The following ARFGEF3 variants were observed in gnomAD, a reference collection of about 807,000 sequenced individuals.
The protein encoded by ARFGEF3 is ARFGEF family member 3.
ARFGEF3 carries 96 observed loss-of-function variants against 221.7 expected under a neutral mutation model. The ratio of observed to expected loss-of-function variants is 0.43; its 90% CI spans 0.37 to 0.51. ARFGEF3 has a LOEUF of 0.51. ARFGEF3 is among the 20% of genes least tolerant of loss of function. The probability of loss-of-function intolerance (pLI) is 0.00; values close to 1 mark genes in which losing one functional copy is unlikely to be tolerated. For missense variants in ARFGEF3, 2,410 were observed against 2,789.9 expected (o/e 0.86, Z 3.07); for synonymous variants, 1,145 against 1,126.8 (o/e 1.02, Z -0.32).
intron 4 of ARFGEF3, among the ~76,000 whole-genome samples, chr6:138,222,933 T>C (rs1778007472): frequency 6.6e-6 from 1 of 152,126 alleles, no homozygotes; most frequent in Admixed American, 6.5e-5. Flanking sequence ...TAATTTAAAT[T>C]GAAGTAAGAA....
chr6:138,273,609 G>A (rs1248667379), intron 12 of ARFGEF3, among the ~76,000 whole-genome samples: 6 of 152,154 alleles, frequency 3.9e-5, no homozygotes, highest in South Asian at 2.1e-4. Flanking sequence ...CATGACATTC[G>A]AAGCAAGTAG....
chr6:138,162,248 C>A lies in ARFGEF3; in HGVS notation c.85+77C>A. On this transcript the variant is annotated intron_variant, in intron 1 of 33. Transcript: ENST00000251691. This position sits in a 1 kb window ranked among gnomAD's most constrained non-coding sequence, Gnocchi z 4.7. ...TGAACCCGCGCCTCCGCGCGTGGGG[C>A]TTTCGCGGAGCGTCGGTCATGGGTG... 9.3e-7 allele frequency: 1 copy of A among 1,075,610 alleles called. No homozygotes were observed. Among genetic ancestry groups the A allele is most frequent in the Non-Finnish European group, 1.3e-6 (1 of 750,852 alleles). 66.6% of individuals were successfully genotyped at this position (1,075,610 alleles called of 1,614,324 possible). A position where few individuals can be genotyped will look rare whatever the true frequency, so the allele number is the denominator to read the frequency against.
rs138274554 is a variant in ARFGEF3 at position 138,336,978 on chromosome 6, G to A, written c.*492G>A. ...GATTTATGGTTATGGGTCTGGCTGG[G>A]AAGAAGACAACTATAAATACATATT... On this transcript the variant is annotated 3_prime_UTR_variant, in exon 34 of 34. Transcript: ENST00000251691. The A allele has an allele frequency of 1.4e-3, 208 of 152,686 alleles. No individual in the cohort carries two copies. The highest frequency in any genetic ancestry group is 2.1e-3 in the Non-Finnish European group (142 of 68,038). The allele number at this position is 152,686 out of a possible 1,614,324, so 9.5% of individuals were successfully genotyped here. A position where few individuals can be genotyped will look rare whatever the true frequency, so the allele number is the denominator to read the frequency against.
chr6:138,281,409 T>G (rs1226601278), intron 14 of ARFGEF3, among the ~76,000 whole-genome samples: 1 of 152,186 alleles, frequency 6.6e-6, no homozygotes, highest in South Asian at 2.1e-4. Flanking sequence ...GGTCAACTGA[T>G]CCCATCACCC....
intron 29 of ARFGEF3, among the ~76,000 whole-genome samples, chr6:138,321,951 C>CA (rs1554209466): frequency 2.0e-5 from 3 of 152,144 alleles, no homozygotes; most frequent in Admixed American, 6.5e-5. Flanking sequence ...CAAGGAGGAG[C>CA]AAGTCACATC....
chr6:138,210,278 T>C (rs1474063156), intron 4 of ARFGEF3, among the ~76,000 whole-genome samples: 4 of 152,210 alleles, frequency 2.6e-5, no homozygotes, highest in Non-Finnish European at 5.9e-5. Context: ...TAAAGGCCAT[T>C]AGAAAGTGTA....
chr6:138,233,462 C>T (rs185208935), intron 5 of ARFGEF3, among the ~76,000 whole-genome samples: 16 of 152,234 alleles, frequency 1.1e-4, no homozygotes, highest in African/African-American at 1.4e-4. Flanking sequence ...CTGCAACCTA[C>T]GCCTCCTGGG....
At chr6:138,297,710 A>G (rs914232813) in intron 21 of ARFGEF3, among the ~76,000 whole-genome samples, 5 of 152,232 alleles carry the variant, frequency 3.3e-5, no homozygotes, top group African/African-American at 4.8e-5. Flanking sequence ...TTACTCTACA[A>G]TAAGGCCTCC....
At position 138,267,379 on chromosome 6, in the gene ARFGEF3, T is replaced by G. The variant is rs569711418; in HGVS notation, c.2128+3768T>G. ...GGCGGAGGTTGCAGTGAGCCGAGATTGCACCACTGCACTCCAGCCTAGGCA... is the reference window on the plus strand; with the variant it reads ...GGCGGAGGTTGCAGTGAGCCGAGATGGCACCACTGCACTCCAGCCTAGGCA... On this transcript the variant is annotated intron_variant, in intron 12 of 33. Transcript: ENST00000251691. 1.2e-4 allele frequency among the ~76,000 whole-genome samples: 19 copies of G among 152,006 alleles called. No homozygotes were observed. In the South Asian group the frequency reaches 4.0e-3, roughly 32 times the overall value.
intron 8 of ARFGEF3, among the ~76,000 whole-genome samples, chr6:138,247,507 T>A (rs1159837329): frequency 6.6e-6 from 1 of 152,166 alleles, no homozygotes; most frequent in African/African-American, 2.4e-5. Context: ...TTCCCCTCCA[T>A]CATAACACAG....
At position 138,207,138 on chromosome 6, in the gene ARFGEF3, G is replaced by T. The variant is rs767955812; in HGVS notation, c.219+15G>T. 1 of 1,597,102 alleles carries T rather than the reference G, an allele frequency of 6.3e-7. No homozygotes were observed. The highest frequency in any genetic ancestry group is 8.6e-7 in the Non-Finnish European group (1 of 1,168,042). ...CAGGGATGCAGGTATGGCTTTGACT[G>T]AATGCAATGGGATGATAGAAATTGA... On this transcript the variant is annotated intron_variant, in intron 3 of 33. Coordinates refer to ENST00000251691, the MANE Select transcript of ARFGEF3 (RefSeq NM_020340.5).
At position 138,313,925 on chromosome 6, in the gene ARFGEF3, TTGA is replaced by T. The variant is rs1779873908; in HGVS notation, c.4338_4340del (p.Asp1447del). On this transcript the variant is annotated inframe_deletion, in exon 26 of 34. Coordinates refer to ENST00000251691, the MANE Select transcript of ARFGEF3 (RefSeq NM_020340.5). ...GGAATTGAATCAGTCCTGTCTGATT[TTGA>T]TGATGACACCGGTAAGCTAATTGAT... The T allele has an allele frequency of 1.9e-6, 3 of 1,613,748 alleles. No homozygotes were observed. Among genetic ancestry groups the T allele is most frequent in the Non-Finnish European group, 1.7e-6 (2 of 1,179,844 alleles).
At chr6:138,248,408 A>G (rs1265655482) in intron 8 of ARFGEF3, among the ~76,000 whole-genome samples, 1 of 152,184 alleles carries the variant, frequency 6.6e-6, no homozygotes, top group African/African-American at 2.4e-5. Context: ...AGGTCCTAGC[A>G]TTGGCAGGGA....
intron 25 of ARFGEF3, 83 bp from the exon 26 acceptor site, chr6:138,313,712 T>C: frequency 9.1e-7 from 1 of 1,094,090 alleles, no homozygotes; most frequent in East Asian, 2.5e-5. Flanking sequence ...TTAGTACTAG[T>C]GTATAATTTC....
intron 13 of ARFGEF3, among the ~76,000 whole-genome samples, chr6:138,279,652 C>T (rs989986148): frequency 3.3e-5 from 5 of 152,224 alleles, no homozygotes; most frequent in Admixed American, 6.5e-5. Context: ...TGCAGGAGCA[C>T]GTTCCACCTC....
chr6:138,170,936 G>A (rs148905343), intron 2 of ARFGEF3, among the ~76,000 whole-genome samples: 59 of 152,224 alleles, frequency 3.9e-4, no homozygotes, highest in African/African-American at 1.3e-3. Flanking sequence ...TTCTTGCTGC[G>A]TCATCCCAAA....
intron 22 of ARFGEF3, among the ~76,000 whole-genome samples, chr6:138,305,846 A>G (rs748682942): frequency 1.3e-5 from 2 of 152,200 alleles, no homozygotes; most frequent in Non-Finnish European, 2.9e-5. Context: ...GAGGAATTAG[A>G]GGGATTTCCT....
At chr6:138,195,802 G>A (rs181938427) in intron 2 of ARFGEF3, among the ~76,000 whole-genome samples, 2 of 152,158 alleles carry the variant, frequency 1.3e-5, no homozygotes, top group Admixed American at 6.5e-5. Context: ...AGCTTCTTAC[G>A]AAAACCTTAA....
At chr6:138,218,146 AG>A (rs1247131898) in intron 4 of ARFGEF3, 15 of 1,613,884 alleles carry the variant, frequency 9.3e-6, no homozygotes, top group Non-Finnish European at 1.3e-5. Flanking sequence ...TGTGTCTGCA[AG>A]GGTGTGAGAA....
Sources: allele counts gnomAD v4.1 joint callset (sites outside exome capture counted in the v4.1 genomes callset), GRCh38; gene constraint gnomAD v4.1.1; non-coding constraint Gnocchi (gnomAD v3.1); transcripts MANE v1.5; gene names NCBI Gene and HGNC (gene_info 2026-07-23, HGNC 2026-07-21).